LTN1: variants seen among roughly 807,000 people sequenced by gnomAD.
LTN1 encodes the protein E3 ubiquitin-protein ligase listerin.
LTN1 carries 88 observed loss-of-function variants against 201.2 expected under a neutral mutation model. The ratio of observed to expected loss-of-function variants is 0.44; its 90% confidence interval spans 0.37 to 0.52. The LOEUF (loss-of-function observed/expected upper bound fraction) is 0.52. LTN1 is among the 20% of genes least tolerant of loss of function. The probability of loss-of-function intolerance (pLI) is 0.00; values close to 1 mark genes in which losing one functional copy is unlikely to be tolerated. For missense variants in LTN1, 1,752 were observed against 2,038.7 expected (o/e 0.86, Z 2.71); for synonymous variants, 645 against 713.5 (o/e 0.90, Z 1.53).
chr21:28,970,728 A>T lies in LTN1; in HGVS notation c.999T>A (p.His333Gln). Residue 333 changes from histidine (H) to glutamine (Q), a missense_variant, in exon 8 of 30, where the codon CAT becomes CAA. By Grantham distance (24) the His-to-Gln change is conservative (BLOSUM62 0). Around this residue, in one of 3 missense-constraint regions of LTN1, gnomAD observed 1,211 missense variants for 1,312.8 expected, o/e 0.92. Transcript: ENST00000361371. ...TLTTIEDCWL[H>Q]VNAKKSVFPK... is the part of the protein sequence containing the mutation. ...GAAACACACTCTTTTTTGCATTTAC[A>T]TGAAGCCAACAGTCCTAACCAAACA... 6.2e-7 allele frequency: 1 copy of T among 1,613,748 alleles called. No homozygotes were observed. The highest frequency in any genetic ancestry group is 8.5e-7 in the Non-Finnish European group (1 of 1,179,774).
chr21:28,989,129 T>G (rs1014899124), intron 1 of LTN1, among the ~76,000 whole-genome samples: 8 of 152,222 alleles, frequency 5.3e-5, no homozygotes, highest in African/African-American at 1.7e-4. Flanking sequence ...TAGTGAATTA[T>G]AATTCTTAAA....
chr21:28,981,067 G>C lies in LTN1; in HGVS notation c.810+52C>G, dbSNP rs1465011145. The C allele has an allele frequency of 2.7e-6, 3 of 1,122,808 alleles. No individual in the cohort carries two copies. In the East Asian group the frequency reaches 7.8e-5, roughly 29 times the overall value. The allele number at this position is 1,122,808 out of a possible 1,614,324, so 69.6% of individuals were successfully genotyped here. A position where few individuals can be genotyped will look rare whatever the true frequency, so the allele number is the denominator to read the frequency against. On this transcript the variant is annotated intron_variant, in intron 6 of 29. Transcript: ENST00000361371. The stretch of plus-strand genomic sequence containing the variant: ...ATAAACATAAAACATAAACTAAGAA[G>C]ATGGGGGTAAGGAATCAGAGAAATG...
Position 28,992,755 on chromosome 21 carries a change from C to G in LTN1, c.42+9G>C, listed in dbSNP as rs1181683808. Reference sequence around the variant, plus strand: ...GGCTCCCGGGTCGGCCGAGCCAGCCCCCGCTCACCCTCAGGTTCCCTTTAG... The same window carrying G: ...GGCTCCCGGGTCGGCCGAGCCAGCCGCCGCTCACCCTCAGGTTCCCTTTAG... On this transcript the variant is annotated intron_variant, in intron 1 of 29. Coordinates refer to ENST00000361371, the MANE Select transcript of LTN1 (RefSeq NM_015565.3). The G allele has an allele frequency of 6.2e-7, 1 of 1,614,096 alleles. No individual in the cohort carries two copies. Among genetic ancestry groups the G allele is most frequent in the South Asian group, 1.1e-5 (1 of 91,084 alleles).
At chr21:28,932,000 T>TAA (rs397946681) in intron 28 of LTN1, among the ~76,000 whole-genome samples, 3 of 146,984 alleles carry the variant, frequency 2.0e-5, no homozygotes, top group African/African-American at 7.5e-5. Flanking sequence ...CAAAAACTCT[T>TAA]AAAAAAAAAA....
Position 28,970,586 on chromosome 21 carries a change from A to G in LTN1, c.1141T>C (p.Phe381Leu), listed in dbSNP as rs1285080527. 2 of 1,613,288 alleles carry G rather than the reference A, an allele frequency of 1.2e-6. 1 individual carries two copies. The highest frequency in any genetic ancestry group is 2.2e-5 in the South Asian group (2 of 90,622). Reference protein sequence around the residue: ...PQSITNPKLDFFKNFLTSLVA... With the variant: ...PQSITNPKLDLFKNFLTSLVA... ...AGAGACGTGAGGAAATTTTTGAAGA[A>G]ATCCAACTTTGGATTTGTGATGGAC... Residue 381 changes from phenylalanine (F) to leucine (L), a missense_variant, in exon 8 of 30, where the codon TTC (phenylalanine) becomes CTC (leucine). This residue lies in a region of LTN1 where 1,211 missense variants were observed against 1,312.8 expected (regional missense o/e 0.92). Transcript: ENST00000361371.
At chr21:28,935,546 A>T (rs1359197451) in intron 26 of LTN1, among the ~76,000 whole-genome samples, 3 of 152,244 alleles carry the variant, frequency 2.0e-5, no homozygotes, top group East Asian at 1.9e-4. Flanking sequence ...ATTTTTTTTT[A>T]AAGTGAAAAT....
intron 1 of LTN1, 127 bp downstream of exon 1, chr21:28,992,637 G>T: frequency 1.0e-6 from 1 of 979,392 alleles, no homozygotes; most frequent in Non-Finnish European, 1.5e-6. Context: ...CAACAGAGAG[G>T]TCACACTCGA....
intron 16 of LTN1, among the ~76,000 whole-genome samples, chr21:28,955,647 A>G (rs1464800758): frequency 6.6e-6 from 1 of 151,892 alleles, no homozygotes. Flanking sequence ...GAATGAGGCC[A>G]GGCACGGTAG....
At chr21:28,956,022 A>G (rs1369753732) in intron 16 of LTN1, among the ~76,000 whole-genome samples, 1 of 152,100 alleles carries the variant, frequency 6.6e-6, no homozygotes, top group Non-Finnish European at 1.5e-5. Flanking sequence ...CCATGCACGG[A>G]AAGACAAACA....
At chr21:28,957,113 A>G (rs896180334) in intron 15 of LTN1, among the ~76,000 whole-genome samples, 165 bp from the exon 16 acceptor site, 1 of 152,228 alleles carries the variant, frequency 6.6e-6, no homozygotes, top group Non-Finnish European at 1.5e-5. Context: ...AGACTCCTTA[A>G]GTACAGAACT....
At chr21:28,931,504 A>G (rs1210313024) in intron 28 of LTN1, among the ~76,000 whole-genome samples, 182 bp from the exon 29 acceptor site, 1 of 152,224 alleles carries the variant, frequency 6.6e-6, no homozygotes, top group African/African-American at 2.4e-5. Flanking sequence ...TTTTGGAACC[A>G]GATGTAATTT....
intron 8 of LTN1, 148 bp downstream of exon 8, chr21:28,970,404 A>C: frequency 1.6e-6 from 1 of 637,262 alleles, no homozygotes; most frequent in African/African-American, 1.8e-5. Context: ...CGTACTCAAG[A>C]AAAAAATATC....
chr21:28,985,000 T>G, intron 3 of LTN1, 78 bp from the exon 4 acceptor site: 1 of 966,772 alleles, frequency 1.0e-6, no homozygotes, highest in Non-Finnish European at 1.6e-6. Flanking sequence ...TATGCTATAA[T>G]GACCCATTAC....
intron 27 of LTN1, among the ~76,000 whole-genome samples, chr21:28,933,677 C>CT (rs369698319): frequency 0.012 from 1,671 of 135,670 alleles, 23 homozygotes; most frequent in African/African-American, 0.026. Context: ...CTCTCTCTCT[C>CT]TTTTTTTTTT....
In LTN1 at chr21:28,947,493, C is replaced by A; in HGVS notation, c.3458G>T (p.Trp1153Leu). 6.4e-7 allele frequency: 1 copy of A among 1,551,152 alleles called. No individual in the cohort carries two copies. The highest frequency in any genetic ancestry group is 2.4e-5 in the East Asian group (1 of 42,280). ...AGTGCTGCAAAGATCTTTCTTAGTCCAGCCCAAAAGAGCAGGTATACATTG... is the reference window on the plus strand; with the variant it reads ...AGTGCTGCAAAGATCTTTCTTAGTCAAGCCCAAAAGAGCAGGTATACATTG... ...SAQCIPALLGWTKKDLCSTNG... is the reference protein window; with the variant it reads ...SAQCIPALLGLTKKDLCSTNG... The change falls in exon 19 of 30, where the codon TGG (tryptophan) becomes TTG (leucine). Residue 1153 changes from tryptophan to leucine, a missense_variant. Trp to Leu is a moderately conservative substitution (Grantham distance 61). This residue lies in a region of LTN1 where 1,211 missense variants were observed against 1,312.8 expected (regional missense o/e 0.92). Transcript: ENST00000361371.
intron 28 of LTN1, 49 bp from the exon 29 acceptor site, chr21:28,931,371 T>G (rs778652320): frequency 1.2e-5 from 12 of 1,020,748 alleles, no homozygotes; most frequent in African/African-American, 1.7e-5. Flanking sequence ...AACCACCAAT[T>G]TTATTTTTAT....
At chr21:28,930,650 G>T in intron 29 of LTN1, 140 bp from the exon 30 acceptor site, 1 of 516,726 alleles carries the variant, frequency 1.9e-6, no homozygotes, top group Non-Finnish European at 3.4e-6. Context: ...TGCTCTTTCT[G>T]TTATCTCCAA....
At position 28,966,912 on chromosome 21, in the gene LTN1, T is replaced by G. The variant is rs61735768; in HGVS notation, c.1579A>C (p.Ser527Arg). The G allele has an allele frequency of 6.2e-7, 1 of 1,613,290 alleles. No individual in the cohort carries two copies. The change falls in exon 10 of 30, where the codon AGC (serine) becomes CGC (arginine). Residue 527 changes from serine (S) to arginine (R), a missense_variant. Ser to Arg is a moderately radical substitution (Grantham distance 110). This residue lies in a region of LTN1 where 1,211 missense variants were observed against 1,312.8 expected (regional missense o/e 0.92). Coordinates refer to ENST00000361371, the MANE Select transcript of LTN1 (RefSeq NM_015565.3). ...TTTTTTTTACTTGACTTCAATGAGC[T>G]CTTCGGCTTCTGAAGCACCTGTAAT... is the stretch of plus-strand genomic sequence containing the variant. ...NLLQVLQKPKSSLKSSKKKNG... is the reference protein window; with the variant it reads ...NLLQVLQKPKRSLKSSKKKNG...
In LTN1 at chr21:28,957,369, C is replaced by T. The variant is rs1373830884; in HGVS notation, c.2855G>A (p.Ser952Asn). The change falls in exon 15 of 30, where the codon AGT becomes AAT. Residue 952 changes from serine to asparagine, a missense_variant. Transcript: ENST00000361371. ...AGACTGCCTCATCTTTTCCCATTCA[C>T]TGTCGTTCGGCATTACACTTCCAAT... ...VYIGSVMPND[S>N]EWEKMRQSLP... 1 of 1,606,450 alleles carries T rather than the reference C, an allele frequency of 6.2e-7. No individual in the cohort carries two copies. Among genetic ancestry groups the T allele is most frequent in the African/African-American group, 1.3e-5 (1 of 74,572 alleles).
Sources: gnomAD v4.1 joint callset for allele counts (sites outside exome capture counted in the v4.1 genomes callset) on GRCh38, gnomAD v4.1.1 for gene constraint, gnomAD v4.1.1 regional missense constraint, MANE v1.5 for transcripts, NCBI Gene and HGNC (gene_info 2026-07-23, HGNC 2026-07-21) for gene names.